Variants in FRMPD4 observed in about 807,000 individuals in gnomAD.
FRMPD4 encodes the protein FERM and PDZ domain containing 4, also known as FERM and PDZ domain-containing protein 4.
In FRMPD4, 22 loss-of-function variants were observed where a neutral mutation model predicts 94.1. That is an observed-to-expected ratio of 0.23 (90% CI 0.17 to 0.33). The LOEUF (loss-of-function observed/expected upper bound fraction) is 0.33. FRMPD4 is among the 10% of genes least tolerant of loss of function. FRMPD4 has a pLI of 1.00. For missense variants in FRMPD4, 1,111 were observed against 1,339.9 expected, an observed-to-expected ratio of 0.83 and a Z score of 2.67; for synonymous variants, 631 against 548.6, an observed-to-expected ratio of 1.15 and a Z score of -2.10.
intron 1 of FRMPD4, among the ~76,000 whole-genome samples, chrX:12,331,509 C>T (rs1371723439): frequency 5.1e-5 from 5 of 97,641 alleles, no homozygotes; most frequent in Non-Finnish European, 4.0e-5. Context: ...AACTTGAATA[C>T]CTATAGAAGC....
intron 1 of FRMPD4, among the ~76,000 whole-genome samples, chrX:11,826,971 G>A (rs985887725): frequency 2.8e-5 from 3 of 106,207 alleles, no homozygotes; most frequent in Non-Finnish European, 5.8e-5. Flanking sequence ...GACAGTGTGT[G>A]GCAAACTGGG....
intron 1 of FRMPD4, among the ~76,000 whole-genome samples, chrX:12,193,838 G>GA (rs1333428877): frequency 0.021 from 1,286 of 59,897 alleles, 266 homozygotes; most frequent in East Asian, 0.13. Flanking sequence ...AGGGAAGGAA[G>GA]AAAGAAAAGA....
chrX:12,053,153 C>T (rs1414413822), intron 3 of FRMPD4, among the ~76,000 whole-genome samples: 2 of 108,918 alleles, frequency 1.8e-5, no homozygotes, highest in Non-Finnish European at 1.9e-5. Context: ...GCCTGGCCAA[C>T]ATGGTGAAAC....
intron 1 of FRMPD4, among the ~76,000 whole-genome samples, chrX:12,399,132 G>A (rs1332695514): frequency 9.0e-6 from 1 of 111,279 alleles, no homozygotes; most frequent in Admixed American, 9.5e-5. Flanking sequence ...CAGCACTGAG[G>A]ATTGTTCATG....
chrX:11,986,573 C>T (rs114259971), intron 3 of FRMPD4, among the ~76,000 whole-genome samples: 3 of 110,930 alleles, frequency 2.7e-5, no homozygotes, highest in Non-Finnish European at 3.8e-5. Flanking sequence ...AAATAAAGTT[C>T]ACAACAGAAA....
At chrX:11,832,764 C>T (rs2053482322) in intron 1 of FRMPD4, among the ~76,000 whole-genome samples, 1 of 111,895 alleles carries the variant, frequency 8.9e-6, no homozygotes, top group African/African-American at 3.3e-5. Context: ...TCCCACTGCA[C>T]ACAGGCACAG....
At chrX:12,625,907 A>G (rs2059340963) in intron 4 of FRMPD4, among the ~76,000 whole-genome samples, 1 of 111,988 alleles carries the variant, frequency 8.9e-6, no homozygotes, top group Admixed American at 9.5e-5. Context: ...CACCCCCAAA[A>G]TACACACATC....
chrX:12,396,502 T>A (rs914755042), intron 1 of FRMPD4, among the ~76,000 whole-genome samples: 1 of 112,364 alleles, frequency 8.9e-6, no homozygotes, highest in Non-Finnish European at 1.9e-5. Flanking sequence ...CATTAACTTA[T>A]AGGTGAATAT....
At chrX:11,847,657 A>G (rs1160587341) in intron 1 of FRMPD4, among the ~76,000 whole-genome samples, 1 of 110,176 alleles carries the variant, frequency 9.1e-6, no homozygotes, top group African/African-American at 3.3e-5. Flanking sequence ...GAAAGACTGG[A>G]TTAAGAAAAT....
At chrX:11,901,403 T>A (rs931435512) in intron 3 of FRMPD4, among the ~76,000 whole-genome samples, 9 of 112,457 alleles carry the variant, frequency 8.0e-5, no homozygotes, top group Non-Finnish European at 1.5e-4. Context: ...CTCCAGCTCC[T>A]TCCAAGTTGC....
intron 1 of FRMPD4, among the ~76,000 whole-genome samples, chrX:12,444,761 T>C (rs942584028): frequency 1.8e-5 from 2 of 111,386 alleles, no homozygotes; most frequent in Non-Finnish European, 3.8e-5. Context: ...GGGCCAAACT[T>C]GCTTTTATAA....
At chrX:12,687,541 G>T (rs779498947) in intron 7 of FRMPD4, among the ~76,000 whole-genome samples, 1 of 111,751 alleles carries the variant, frequency 8.9e-6, no homozygotes, top group South Asian at 3.8e-4. Context: ...AGGTGGGTTT[G>T]GTTAGTCCTT....
rs144166558 is a variant in FRMPD4 at position 12,648,607 on chromosome X, G to A, written c.423-26256G>A. ...TCAGTGTAATCAACTACCAAATAGA[G>A]AAAGTGATAGTTACCTGTCAACGTT... On this transcript the variant is annotated intron_variant, in intron 4 of 16. Transcript: ENST00000675598. Among the ~76,000 whole-genome samples, 137 of 112,285 alleles carry A rather than the reference G, an allele frequency of 1.2e-3. 3 individuals carry two copies. The East Asian group carries it at 0.035, about 29-fold the overall frequency.
chrX:12,655,960 C>T (rs932779390), intron 4 of FRMPD4, among the ~76,000 whole-genome samples: 3 of 112,209 alleles, frequency 2.7e-5, no homozygotes, highest in South Asian at 3.7e-4. Flanking sequence ...TAGTATCCCT[C>T]GCTCAACTGA....
At chrX:12,597,111 T>C (rs926643102) in intron 2 of FRMPD4, among the ~76,000 whole-genome samples, 13 of 112,029 alleles carry the variant, frequency 1.2e-4, no homozygotes, top group Admixed American at 1.1e-3. Flanking sequence ...TTATTGCCTC[T>C]GACACATTAG....
intron 2 of FRMPD4, among the ~76,000 whole-genome samples, chrX:12,548,054 G>A (rs2058497003): frequency 8.9e-6 from 1 of 111,840 alleles, no homozygotes; most frequent in Non-Finnish European, 1.9e-5. Flanking sequence ...ATATATCCTT[G>A]TTAATTCTCA....
At chrX:12,524,035 G>A (rs1165274923) in intron 2 of FRMPD4, among the ~76,000 whole-genome samples, 1 of 111,419 alleles carries the variant, frequency 9.0e-6, no homozygotes, top group Admixed American at 9.5e-5. Context: ...TGCACCTGTA[G>A]TCCCAGCTAC....
At position 12,694,065 on chromosome X, in the gene FRMPD4, G is replaced by C. The variant is rs181554838; in HGVS notation, c.814-270G>C. 6.1e-3 allele frequency among the ~76,000 whole-genome samples: 676 copies of C among 111,298 alleles called. 5 individuals carry two copies. Among genetic ancestry groups the C allele is most frequent in the African/African-American group, 0.021 (644 of 30,615 alleles). ...TTGGCTTCCTCTTCTTTCCTGACCTGCTTCCCCCACTCCCTTACTAGCCTC... is the reference window on the plus strand; with the variant it reads ...TTGGCTTCCTCTTCTTTCCTGACCTCCTTCCCCCACTCCCTTACTAGCCTC... On this transcript the variant is annotated intron_variant, in intron 8 of 16. Coordinates refer to ENST00000675598, the MANE Select transcript of FRMPD4 (RefSeq NM_001368397.1).
At chrX:12,621,986 G>GAAAGAA (rs1555995946) in intron 4 of FRMPD4, among the ~76,000 whole-genome samples, 1 of 35,447 alleles carries the variant, frequency 2.8e-5, no homozygotes, top group African/African-American at 1.6e-4. Context: ...AAGAAAGAAA[G>GAAAGAA]AAAGAAAGAA....
Sources: allele counts gnomAD v4.1 joint callset (sites outside exome capture counted in the v4.1 genomes callset), GRCh38; gene constraint gnomAD v4.1.1; transcripts MANE v1.5; gene names NCBI Gene and HGNC (gene_info 2026-07-23, HGNC 2026-07-21).